Variants in ELFN1 observed in about 807,000 individuals in gnomAD.
ELFN1 encodes the protein extracellular leucine rich repeat and fibronectin type III domain containing 1.
ELFN1 carries 6 observed loss-of-function variants against 7.6 expected under a neutral mutation model. The observed-to-expected ratio is 0.79, with a 90% CI of 0.43 to 1.56. ELFN1 has a LOEUF of 1.56. ELFN1 is among the 40% of genes most tolerant of loss of function. The probability of loss-of-function intolerance (pLI) is 0.01; values close to 1 mark genes in which losing one functional copy is unlikely to be tolerated. For missense variants in ELFN1, 1,169 were observed against 1,232.2 expected, an observed-to-expected ratio of 0.95 and a Z score of 0.77; for synonymous variants, 657 against 588.1, an observed-to-expected ratio of 1.12 and a Z score of -1.70.
chr7:1,738,408 G>A (rs1267170742), intron 3 of ELFN1, among the ~76,000 whole-genome samples: 1 of 152,150 alleles, frequency 6.6e-6, no homozygotes, highest in Non-Finnish European at 1.5e-5. Flanking sequence ...TATCTTTCCT[G>A]AGGGGGTAAC....
chr7:1,724,796 C>T (rs902503747), intron 3 of ELFN1, among the ~76,000 whole-genome samples: 1 of 152,224 alleles, frequency 6.6e-6, no homozygotes, highest in Non-Finnish European at 1.5e-5. Flanking sequence ...ACTGCCCCTT[C>T]CTCAAGGTCA....
chr7:1,711,575 T>TGAGAGAGAGAGAGAGAGAGAGAGA (rs55658122), intron 3 of ELFN1, among the ~76,000 whole-genome samples: 1 of 87,544 alleles, frequency 1.1e-5, no homozygotes, highest in Admixed American at 1.3e-4. Flanking sequence ...AGCGAGAGAG[T>TGAGAGAGAGAGAGAGAGAGAGAGA]GAGAGAGAGA....
At chr7:1,737,153 C>G (rs899045930) in intron 3 of ELFN1, among the ~76,000 whole-genome samples, 9 of 152,182 alleles carry the variant, frequency 5.9e-5, no homozygotes, top group Admixed American at 3.9e-4. Flanking sequence ...CTAACTCCTA[C>G]TCTTCTGCTG....
At chr7:1,729,932 G>T (rs892533424) in intron 3 of ELFN1, among the ~76,000 whole-genome samples, 4 of 152,244 alleles carry the variant, frequency 2.6e-5, no homozygotes, top group African/African-American at 9.6e-5. Context: ...TAGACCAGCA[G>T]GCCCCAGGAG....
At position 1,673,944 on chromosome 7, in the gene ELFN1, C is replaced by A. The variant is rs908837920; in HGVS notation, c.-549+3590C>A. Among the ~76,000 whole-genome samples, 17 of 152,264 alleles carry A rather than the reference C, an allele frequency of 1.1e-4. No homozygotes were observed. The highest frequency in any genetic ancestry group is 7.8e-4 in the Admixed American group (12 of 15,290). ...AACCCAGGCTGAGGCAGGAGGGGGT[C>A]CAGCAGGGCTTGAGGGACCTTCAGA... On this transcript the variant is annotated intron_variant, in intron 1 of 3. Coordinates refer to ENST00000424383, the MANE Select transcript of ELFN1 (RefSeq NM_001128636.4). The surrounding 1 kb of genome is among the most constrained non-coding windows in gnomAD (Gnocchi z 4.7).
At chr7:1,671,696 G>T (rs1316599892) in intron 1 of ELFN1, among the ~76,000 whole-genome samples, 1 of 152,258 alleles carries the variant, frequency 6.6e-6, no homozygotes, top group Non-Finnish European at 1.5e-5. Context: ...CCTCTTCTCT[G>T]CCTGGCTGGC....
chr7:1,719,932 G>A (rs1779968041), intron 3 of ELFN1, among the ~76,000 whole-genome samples: 1 of 136,540 alleles, frequency 7.3e-6, no homozygotes, highest in African/African-American at 2.8e-5. Flanking sequence ...CATCACCTCT[G>A]CAAGCTCCAG....
intron 2 of ELFN1, among the ~76,000 whole-genome samples, chr7:1,696,662 A>G (rs1303645873): frequency 6.6e-6 from 1 of 152,048 alleles, no homozygotes; most frequent in East Asian, 1.9e-4. Context: ...TCAGCCTCCC[A>G]AAGTGTTGAG....
chr7:1,671,600 G>A (rs1778768789), intron 1 of ELFN1, among the ~76,000 whole-genome samples: 2 of 152,232 alleles, frequency 1.3e-5, no homozygotes, highest in South Asian at 4.1e-4. Context: ...GAGGCCCCCA[G>A]CCTCCAAAGA....
intron 2 of ELFN1, among the ~76,000 whole-genome samples, chr7:1,698,333 T>C (rs1779360203): frequency 6.6e-6 from 1 of 152,242 alleles, no homozygotes; most frequent in African/African-American, 2.4e-5. Flanking sequence ...GGCAATTTTC[T>C]TTTCCTGCGT....
In ELFN1 at chr7:1,673,093, C is replaced by CT. The variant is rs1554245198; in HGVS notation, c.-549+2739_-549+2740insT. Among the ~76,000 whole-genome samples the CT allele has an allele frequency of 0.24, 36,043 of 151,670 alleles. 5,936 individuals carry two copies. The highest frequency in any genetic ancestry group is 0.47 in the African/African-American group (19,509 of 41,310). ...TTTGTCATCTCTCCAGCGCCCCCCCCCGCTCTTTCCTTTTTGTTTTTGTTG... is the reference window on the plus strand; with the variant it reads ...TTTGTCATCTCTCCAGCGCCCCCCCCTCGCTCTTTCCTTTTTGTTTTTGTTG... On this transcript the variant is annotated intron_variant, in intron 1 of 3. Coordinates refer to ENST00000424383, the MANE Select transcript of ELFN1 (RefSeq NM_001128636.4). The surrounding 1 kb of genome is among the most constrained non-coding windows in gnomAD (Gnocchi z 4.7).
intron 2 of ELFN1, chr7:1,694,085 C>A: frequency 4.0e-6 from 1 of 252,912 alleles, no homozygotes; most frequent in Non-Finnish European, 8.3e-6. Context: ...GGTCTCACTT[C>A]CTAGAAAGAG....
chr7:1,712,151 C>T (rs1472973645), intron 3 of ELFN1, among the ~76,000 whole-genome samples: 1 of 152,220 alleles, frequency 6.6e-6, no homozygotes, highest in Non-Finnish European at 1.5e-5. Context: ...TTGCCGGAAA[C>T]ACCCTGTCCC....
Position 1,746,395 on chromosome 7 carries a change from T to A in ELFN1, c.1799T>A (p.Leu600Gln). ...PVSVAEPPLV[L>Q]LSEPLAAKHG... ...TCCGTCGCGGAGCCGCCGCTGGTGC[T>A]GCTGTCCGAGCCGCTGGCCGCCAAG... Residue 600 changes from leucine to glutamine, a missense_variant, in exon 4 of 4, where the codon CTG becomes CAG. By Grantham distance (113) the Leu-to-Gln change is moderately radical. Around this residue, in one of 2 missense-constraint regions of ELFN1, gnomAD observed 914 missense variants for 872.6 expected, o/e 1.05. Transcript: ENST00000424383. 6.5e-7 allele frequency: 1 copy of A among 1,536,034 alleles called. No individual in the cohort carries two copies.
chr7:1,718,896 T>A (rs976465021), intron 3 of ELFN1, among the ~76,000 whole-genome samples: 4 of 152,184 alleles, frequency 2.6e-5, no homozygotes, highest in Non-Finnish European at 4.4e-5. Context: ...CTCATTTCTC[T>A]TCCTGAGAAT....
chr7:1,733,375 G>A (rs749737970), intron 3 of ELFN1, among the ~76,000 whole-genome samples: 3 of 152,094 alleles, frequency 2.0e-5, no homozygotes, highest in Non-Finnish European at 4.4e-5. Context: ...CAGGCCTCTC[G>A]GGTGCTGATG....
At chr7:1,724,338 C>T (rs1469463113) in intron 3 of ELFN1, among the ~76,000 whole-genome samples, 2 of 152,134 alleles carry the variant, frequency 1.3e-5, no homozygotes, top group African/African-American at 2.4e-5. Context: ...TTAAGTCAGC[C>T]CGCGTTGCCT....
intron 2 of ELFN1, among the ~76,000 whole-genome samples, chr7:1,688,461 C>A (rs982887529): frequency 1.3e-5 from 2 of 152,110 alleles, no homozygotes; most frequent in Non-Finnish European, 2.9e-5. Flanking sequence ...TATTGTTTTA[C>A]ACCTGACATT....
intron 3 of ELFN1, among the ~76,000 whole-genome samples, chr7:1,734,276 C>T (rs1936500522): frequency 6.6e-6 from 1 of 152,150 alleles, no homozygotes; most frequent in African/African-American, 2.4e-5. Flanking sequence ...TCTCCCGGGG[C>T]CAGCCAGCTA....
Sources: allele counts gnomAD v4.1 joint callset (sites outside exome capture counted in the v4.1 genomes callset), GRCh38; gene constraint gnomAD v4.1.1; regional missense constraint gnomAD v4.1.1; non-coding constraint Gnocchi (gnomAD v3.1); transcripts MANE v1.5; gene names NCBI Gene and HGNC (gene_info 2026-07-23, HGNC 2026-07-21).